Variants in UNC80 observed in about 807,000 individuals in gnomAD.
UNC80 encodes protein unc-80 homolog.
In UNC80, 164 loss-of-function variants were observed where a neutral mutation model predicts 384.6. The observed-to-expected ratio is 0.43, with a 90% CI of 0.38 to 0.49. UNC80 has a LOEUF of 0.49. Among genes scored for constraint, UNC80 ranks in the 20% least tolerant of loss-of-function variants. The pLI is 0.00. For missense variants in UNC80, 3,330 were observed against 4,143.0 expected (o/e 0.80, Z 5.39); for synonymous variants, 1,486 against 1,527.8 (o/e 0.97, Z 0.64).
intron 47 of UNC80, among the ~76,000 whole-genome samples, chr2:209,953,627 A>G (rs2092290354): frequency 6.6e-6 from 1 of 152,104 alleles, no homozygotes; most frequent in Non-Finnish European, 1.5e-5. Context: ...AGACTTCATC[A>G]TAATGGCTGT....
chr2:209,774,753 A>G (rs2076771296), intron 2 of UNC80, among the ~76,000 whole-genome samples: 1 of 152,122 alleles, frequency 6.6e-6, no homozygotes, highest in Non-Finnish European at 1.5e-5. Context: ...AACATATCTA[A>G]AGGCCTTTAT....
At position 209,820,384 on chromosome 2, in the gene UNC80, T is replaced by C; in HGVS notation, c.2036T>C (p.Ile679Thr). ...CGTATCTGTGACGTGGCGCTAAACATTGTGGAATGCTTGCTTCAACTTGGT... is the reference window on the plus strand; with the variant it reads ...CGTATCTGTGACGTGGCGCTAAACACTGTGGAATGCTTGCTTCAACTTGGT... ...SSRICDVALNIVECLLQLGVV... is the reference protein window; with the variant it reads ...SSRICDVALNTVECLLQLGVV... The change falls in exon 13 of 65, where the codon ATT (isoleucine) becomes ACT (threonine). Residue 679 changes from isoleucine (I) to threonine (T), a missense_variant. By Grantham distance (89) the Ile-to-Thr change is moderately conservative. Around this residue, in one of 8 missense-constraint regions of UNC80, gnomAD observed 937 missense variants for 1,026.8 expected, o/e 0.91. Coordinates refer to ENST00000673920, the MANE Select transcript of UNC80 (RefSeq NM_001371986.1). 12 of 1,551,992 alleles carry C rather than the reference T, an allele frequency of 7.7e-6. No individual in the cohort carries two copies. Among genetic ancestry groups the C allele is most frequent in the Non-Finnish European group, 1.0e-5 (12 of 1,147,046 alleles).
intron 29 of UNC80, among the ~76,000 whole-genome samples, chr2:209,905,595 G>A (rs556583943): frequency 2.0e-5 from 3 of 152,106 alleles, no homozygotes; most frequent in Non-Finnish European, 4.4e-5. Flanking sequence ...CTCCAGAATT[G>A]TAAAATAATA....
At position 209,773,079 on chromosome 2, in the gene UNC80, C is replaced by G; in HGVS notation, c.93-15C>G. The G allele has an allele frequency of 1.3e-6, 2 of 1,597,626 alleles. No individual in the cohort carries two copies. Among genetic ancestry groups the G allele is most frequent in the Non-Finnish European group, 8.6e-7 (1 of 1,166,122 alleles). ...TACTTATGTTTATTAACAAATATCT[C>G]TATTAATTTTTCAGTGCATTTTTGA... On this transcript the variant is annotated splice_polypyrimidine_tract_variant and intron_variant, in intron 1 of 64. Transcript: ENST00000673920.
intron 61 of UNC80, among the ~76,000 whole-genome samples, chr2:209,986,305 T>TA (rs1169067130): frequency 6.6e-6 from 1 of 152,248 alleles, no homozygotes; most frequent in Non-Finnish European, 1.5e-5. Context: ...TCCACTTAGC[T>TA]AGCTTTGTGC....
At chr2:209,909,372 A>G (rs1371232312) in intron 29 of UNC80, among the ~76,000 whole-genome samples, 1 of 152,232 alleles carries the variant, frequency 6.6e-6, no homozygotes, top group African/African-American at 2.4e-5. Context: ...ACAGGAAAAG[A>G]AACAGCTAAG....
At chr2:209,937,235 G>A (rs371447385) in intron 41 of UNC80, among the ~76,000 whole-genome samples, 4 of 152,122 alleles carry the variant, frequency 2.6e-5, no homozygotes, top group African/African-American at 2.4e-5. Flanking sequence ...GAAAAATTAC[G>A]TTGCCCGTAT....
chr2:209,962,165 T>C (rs189115760), intron 51 of UNC80, among the ~76,000 whole-genome samples: 110 of 152,194 alleles, frequency 7.2e-4, no homozygotes, highest in Non-Finnish European at 1.3e-3. Flanking sequence ...AATTTCTTTA[T>C]GGCTAGTTTT....
chr2:209,922,445 T>C (rs2090111997), intron 35 of UNC80, 62 bp downstream of exon 35: 4 of 1,496,782 alleles, frequency 2.7e-6, no homozygotes, highest in African/African-American at 1.4e-5. Context: ...ACTTTCCAGT[T>C]AATATCATGA....
At chr2:209,800,036 T>A (rs185879662) in intron 7 of UNC80, among the ~76,000 whole-genome samples, 60 of 152,314 alleles carry the variant, frequency 3.9e-4, no homozygotes, top group African/African-American at 1.4e-3. Flanking sequence ...ATTTTTTTTG[T>A]TGTGTCTCTT....
At chr2:209,824,517 C>T (rs112493307) in intron 13 of UNC80, among the ~76,000 whole-genome samples, 5 of 152,128 alleles carry the variant, frequency 3.3e-5, no homozygotes, top group African/African-American at 9.6e-5. Flanking sequence ...CCTTTATGGC[C>T]CTGTCCAGTC....
rs1338485518 is a variant in UNC80 at position 209,842,340 on chromosome 2, C to CT, written c.3358-4dup. The CT allele has an allele frequency of 1.3e-6, 2 of 1,513,426 alleles. No individual in the cohort carries two copies. Among genetic ancestry groups the CT allele is most frequent in the South Asian group, 1.3e-5 (1 of 77,782 alleles). The allele number at this position is 1,513,426 out of a possible 1,614,324, so 93.7% of individuals were successfully genotyped here. ...TATCTCTCTACTTTCCTTTTTTTTT[C>CT]TTTTTTCAGGTCAAATTCACTAGTG... On this transcript the variant is annotated splice_polypyrimidine_tract_variant and intron_variant, in intron 20 of 64. Coordinates refer to ENST00000673920, the MANE Select transcript of UNC80 (RefSeq NM_001371986.1).
At chr2:209,829,122 G>C in intron 14 of UNC80, 110 bp from the exon 15 acceptor site, 15 of 1,327,280 alleles carry the variant, frequency 1.1e-5, no homozygotes, top group Non-Finnish European at 1.5e-5. Context: ...TCACCAGCGA[G>C]TGGGGATGGT....
At chr2:209,901,750 C>G (rs189083678) in intron 28 of UNC80, among the ~76,000 whole-genome samples, 8 of 152,118 alleles carry the variant, frequency 5.3e-5, no homozygotes, top group African/African-American at 9.6e-5. Context: ...CACGGTGAAA[C>G]CCCGTCTCTA....
chr2:209,846,482 G>T (rs2082180567), intron 21 of UNC80, among the ~76,000 whole-genome samples: 1 of 151,924 alleles, frequency 6.6e-6, no homozygotes, highest in Non-Finnish European at 1.5e-5. Context: ...AATGGGAAAT[G>T]CTGCTTAAGG....
chr2:209,922,510 T>C (rs754166567), intron 35 of UNC80, 127 bp downstream of exon 35: 37 of 1,182,282 alleles, frequency 3.1e-5, no homozygotes, highest in Non-Finnish European at 4.0e-5. Flanking sequence ...CTTGACATTC[T>C]AAAAAAAATT....
intron 22 of UNC80, among the ~76,000 whole-genome samples, chr2:209,864,325 G>A (rs1358930039): frequency 6.6e-6 from 1 of 152,100 alleles, no homozygotes. Context: ...TCACCTAGTT[G>A]GGTGGCACGA....
At chr2:209,882,791 C>G (rs535356789) in intron 25 of UNC80, among the ~76,000 whole-genome samples, 14 of 152,210 alleles carry the variant, frequency 9.2e-5, no homozygotes, top group African/African-American at 3.4e-4. Context: ...TTTTGATCCA[C>G]TGTAATAAAA....
chr2:209,898,813 C>T (rs1574937148), intron 28 of UNC80, among the ~76,000 whole-genome samples: 1 of 152,142 alleles, frequency 6.6e-6, no homozygotes, highest in Non-Finnish European at 1.5e-5. Flanking sequence ...TCTCTATGTC[C>T]ATGAGTTCAA....
Sources: allele counts gnomAD v4.1 joint callset (sites outside exome capture counted in the v4.1 genomes callset), GRCh38; gene constraint gnomAD v4.1.1; regional missense constraint gnomAD v4.1.1; transcripts MANE v1.5; gene names NCBI Gene and HGNC (gene_info 2026-07-23, HGNC 2026-07-21).